Variants in PACRG observed in about 807,000 individuals in gnomAD.
The protein encoded by PACRG is parkin coregulated gene protein.
PACRG carries 29 observed loss-of-function variants against 29.7 expected under a neutral mutation model. That is an observed-to-expected ratio of 0.98 (90% CI 0.73 to 1.33). PACRG has a LOEUF of 1.33. Among genes scored for constraint, PACRG ranks in the 40% most tolerant of loss-of-function variants. The pLI is 0.00. For synonymous variants in PACRG, 116 were observed against 118.7 expected (o/e 0.98, Z 0.15); for missense variants, 279 against 316.2 (o/e 0.88, Z 0.89).
At chr6:163,001,255 G>A (rs1249745782) in intron 2 of PACRG, among the ~76,000 whole-genome samples, 1 of 152,218 alleles carries the variant, frequency 6.6e-6, no homozygotes, top group African/African-American at 2.4e-5. Context: ...GGGTCTCCAG[G>A]AGGAGAATAG....
At chr6:163,103,020 T>A (rs939033650) in intron 4 of PACRG, among the ~76,000 whole-genome samples, 1 of 152,244 alleles carries the variant, frequency 6.6e-6, no homozygotes, top group Non-Finnish European at 1.5e-5. Flanking sequence ...ATTTGCTGAA[T>A]GGGTGGATGG....
chr6:162,736,436 C>T (rs1373314442), intron 1 of PACRG, among the ~76,000 whole-genome samples: 1 of 151,944 alleles, frequency 6.6e-6, no homozygotes, highest in African/African-American at 2.4e-5. Context: ...ATGATGGGAG[C>T]AAGATAGCTG....
At chr6:162,739,215 T>C (rs1381668699) in intron 1 of PACRG, among the ~76,000 whole-genome samples, 1 of 152,208 alleles carries the variant, frequency 6.6e-6, no homozygotes, top group Non-Finnish European at 1.5e-5. Context: ...TATGAAATAA[T>C]ATCTTGTTTT....
intron 4 of PACRG, among the ~76,000 whole-genome samples, chr6:163,276,429 C>A (rs1425591717): frequency 6.6e-6 from 1 of 152,160 alleles, no homozygotes; most frequent in Non-Finnish European, 1.5e-5. Flanking sequence ...GTGACCATTT[C>A]TCTTTTCCTT....
chr6:163,297,685 C>A (rs1175078132), intron 4 of PACRG, among the ~76,000 whole-genome samples: 2 of 152,032 alleles, frequency 1.3e-5, no homozygotes, highest in Non-Finnish European at 2.9e-5. Flanking sequence ...ACATACAAAC[C>A]AAAATAACAA....
chr6:163,194,650 G>A (rs1163058362), intron 4 of PACRG, among the ~76,000 whole-genome samples: 1 of 152,214 alleles, frequency 6.6e-6, no homozygotes, highest in Non-Finnish European at 1.5e-5. Flanking sequence ...CTACACTGAA[G>A]AGGACAGCTT....
intron 4 of PACRG, among the ~76,000 whole-genome samples, chr6:163,097,589 G>A (rs1446565614): frequency 1.3e-5 from 2 of 152,194 alleles, no homozygotes; most frequent in East Asian, 3.9e-4. Context: ...TTACAGCTTG[G>A]TTTTTATATC....
At chr6:162,787,574 GTGTGTGTGTATATATA>G (rs1165404809) in intron 1 of PACRG, among the ~76,000 whole-genome samples, 18 of 60,402 alleles carry the variant, frequency 3.0e-4, no homozygotes, top group African/African-American at 1.1e-3. Flanking sequence ...GTGTGTGTGT[GTGTGTGTGTATATATA>G]TATATATATA....
Position 163,062,224 on chromosome 6 carries a change from CTA to C in PACRG, c.368_369del (p.Tyr123Ter). 6.2e-7 allele frequency: 1 copy of C among 1,614,134 alleles called. No individual in the cohort carries two copies. The highest frequency in any genetic ancestry group is 8.5e-7 in the Non-Finnish European group (1 of 1,180,018). On this transcript the variant is annotated frameshift_variant, in exon 3 of 5. Transcript: ENST00000366888. LOFTEE classifies it high-confidence loss of function. ...FDGLCEMTFPYEFFARQGIHD... is the reference protein window; with the variant it reads ...FDGLCEMTFPXEFFARQGIHD... ...ATGGGCTTTGTGAAATGACATTTCC[CTA>C]TGAGTTTTTTGCTCGGCAAGGAATC... is the stretch of plus-strand genomic sequence containing the variant.
At chr6:163,174,892 A>G (rs62427644) in intron 4 of PACRG, among the ~76,000 whole-genome samples, 5,283 of 152,208 alleles carry the variant, frequency 0.035, 119 homozygotes, top group South Asian at 0.057. Flanking sequence ...GTAAATAAAT[A>G]GAGGGGTTTT....
chr6:162,833,713 TA>T (rs373551340), intron 2 of PACRG, among the ~76,000 whole-genome samples: 1,677 of 152,164 alleles, frequency 0.011, 13 homozygotes, highest in Non-Finnish European at 0.016. Flanking sequence ...GGACTGCAAT[TA>T]AAAAAATATG....
chr6:163,259,846 G>A lies in PACRG; in HGVS notation c.614-54981G>A, dbSNP rs549207530. On this transcript the variant is annotated intron_variant, in intron 4 of 4. Transcript: ENST00000366888. ...TAGGACTATAGGAGACCTCCCATCCGCCCCGCTCCACCCCCAGAGGCTGAG... is the reference window on the plus strand; with the variant it reads ...TAGGACTATAGGAGACCTCCCATCCACCCCGCTCCACCCCCAGAGGCTGAG... 5.7e-4 allele frequency among the ~76,000 whole-genome samples: 86 copies of A among 152,152 alleles called. 4 individuals are homozygous for A. The South Asian group carries it at 0.014, about 25-fold the overall frequency.
intron 4 of PACRG, among the ~76,000 whole-genome samples, chr6:163,265,184 T>C (rs1001036170): frequency 1.3e-5 from 2 of 152,164 alleles, no homozygotes; most frequent in Admixed American, 6.5e-5. Flanking sequence ...ATGTTGTAGA[T>C]AATTTCCTGA....
intron 2 of PACRG, among the ~76,000 whole-genome samples, chr6:162,931,766 G>T (rs889084892): frequency 7.2e-5 from 11 of 151,990 alleles, no homozygotes; most frequent in Non-Finnish European, 4.4e-5. Flanking sequence ...GTCATGTGTT[G>T]GTGAGGATGT....
At chr6:162,931,995 T>G (rs1797885670) in intron 2 of PACRG, among the ~76,000 whole-genome samples, 1 of 151,898 alleles carries the variant, frequency 6.6e-6, no homozygotes, top group African/African-American at 2.4e-5. Flanking sequence ...TACCCTAAAC[T>G]GGAAATAACC....
intron 4 of PACRG, among the ~76,000 whole-genome samples, chr6:163,267,453 A>G (rs1193146793): frequency 6.6e-6 from 1 of 152,250 alleles, no homozygotes; most frequent in Admixed American, 6.5e-5. Context: ...AAGATCAGTC[A>G]TATCCAGTGG....
chr6:163,024,150 G>T (rs552155047), intron 2 of PACRG, among the ~76,000 whole-genome samples: 1 of 152,272 alleles, frequency 6.6e-6, no homozygotes, highest in South Asian at 2.1e-4. Context: ...GCCACAGCCA[G>T]TGTCAAGAAG....
intron 4 of PACRG, among the ~76,000 whole-genome samples, chr6:163,233,250 GA>G (rs1230947212): frequency 3.9e-5 from 6 of 152,166 alleles, no homozygotes; most frequent in African/African-American, 1.4e-4. Flanking sequence ...ATTATTTAGG[GA>G]CAAAGCTGAA....
chr6:162,943,148 G>A (rs1021909206), intron 2 of PACRG, among the ~76,000 whole-genome samples: 2 of 152,186 alleles, frequency 1.3e-5, no homozygotes, highest in African/African-American at 2.4e-5. Context: ...CGCATTGCTC[G>A]AGAGAAGCTC....
Sources: gnomAD v4.1 joint callset for allele counts (sites outside exome capture counted in the v4.1 genomes callset) on GRCh38, gnomAD v4.1.1 for gene constraint, MANE v1.5 for transcripts, NCBI Gene and HGNC (gene_info 2026-07-23, HGNC 2026-07-21) for gene names.